The following PLA2G6 variants were observed in gnomAD, a reference collection of about 807,000 sequenced individuals.
PLA2G6 encodes 85/88 kDa calcium-independent phospholipase A2.
A neutral mutation model predicts 83.8 loss-of-function variants in PLA2G6; 62 were observed. The observed-to-expected ratio is 0.74, with a 90% CI of 0.60 to 0.91. The LOEUF (loss-of-function observed/expected upper bound fraction) is 0.91, where lower values mean the gene tolerates loss of function less well. Among genes scored for constraint, PLA2G6 ranks in the 40% least tolerant of loss-of-function variants. The probability of loss-of-function intolerance (pLI) is 0.00; values close to 1 mark genes in which losing one functional copy is unlikely to be tolerated. For missense variants in PLA2G6, 944 were observed against 1,102.0 expected (o/e 0.86, Z 2.03); for synonymous variants, 417 against 449.8 (o/e 0.93, Z 0.92).
intron 2 of PLA2G6, among the ~76,000 whole-genome samples, chr22:38,161,355 C>G (rs1046591573): frequency 6.6e-6 from 1 of 152,134 alleles, no homozygotes; most frequent in South Asian, 2.1e-4. Flanking sequence ...ATGGCAGAGA[C>G]AGATCATCTC....
intron 5 of PLA2G6, chr22:38,139,420 T>C (rs1165089469): frequency 7.4e-6 from 1 of 135,770 alleles, no homozygotes; most frequent in Non-Finnish European, 1.5e-5. Flanking sequence ...TTTATTTTTA[T>C]TTATTTATTT....
intron 3 of PLA2G6, chr22:38,143,654 C>T: frequency 2.6e-6 from 1 of 386,906 alleles, no homozygotes; most frequent in Non-Finnish European, 5.0e-6. Context: ...AGCTGCTGTG[C>T]CTGCCCCAGG....
At chr22:38,145,277 C>A in intron 3 of PLA2G6, 161 bp downstream of exon 3, 1 of 703,842 alleles carries the variant, frequency 1.4e-6, no homozygotes, top group East Asian at 2.7e-5. Flanking sequence ...GATCCTCCCT[C>A]CTCAGCCTCC....
Position 38,132,877 on chromosome 22 carries a change from T to C in PLA2G6, c.1031A>G (p.Asp344Gly). The C allele has an allele frequency of 6.4e-7, 1 of 1,553,712 alleles. No individual in the cohort carries two copies. The highest frequency in any genetic ancestry group is 1.2e-5 in the South Asian group (1 of 84,310). ...IVLLTHGANADARGEHGNTPL... is the reference protein window; with the variant it reads ...IVLLTHGANAGARGEHGNTPL... ...GGTGTTGCCGTGCTCTCCGCGGGCA[T>C]CCGCGTTGGCCCCGTGGGTCAGCAG... Residue 344 changes from aspartate (D) to glycine (G), a missense_variant, in exon 7 of 17, where the codon GAT becomes GGT. Physicochemically the swap from Asp to Gly is moderately conservative, Grantham distance 94 (BLOSUM62 -1). Coordinates refer to ENST00000332509, the MANE Select transcript of PLA2G6 (RefSeq NM_003560.4). This position sits in a 1 kb window ranked among gnomAD's most constrained non-coding sequence, Gnocchi z 5.0.
rs80003006 is a variant in PLA2G6 at position 38,125,466 on chromosome 22, C to T, written c.1427+905G>A. Reference sequence around the variant, plus strand: ...AAGTGAGAGGACCCACAGAGCTGCACGATCACTGCCTGGCCCTGGGAGTGG... The same window carrying T: ...AAGTGAGAGGACCCACAGAGCTGCATGATCACTGCCTGGCCCTGGGAGTGG... On this transcript the variant is annotated intron_variant, in intron 10 of 16. Coordinates refer to ENST00000332509, the MANE Select transcript of PLA2G6 (RefSeq NM_003560.4). Among the ~76,000 whole-genome samples the T allele has an allele frequency of 5.2e-3, 797 of 152,262 alleles. 6 individuals carry two copies. The highest frequency in any genetic ancestry group is 0.018 in the African/African-American group (758 of 41,536).
At position 38,132,999 on chromosome 22, in the gene PLA2G6, C is replaced by T. The variant is rs1396686538; in HGVS notation, c.909G>A (p.Leu303=). ...WAKNAEMARM[L]LKRGCNVNST... is the part of the protein sequence containing the mutation. ...TGTTCACGTTGCAGCCCCGTTTCAG[C>T]AGCATGCGGGCCATCTGCGGGAGAC... The change falls in exon 7 of 17, where the codon CTG becomes CTA. Residue 303 remains leucine (L), a synonymous_variant. Transcript: ENST00000332509. This position sits in a 1 kb window ranked among gnomAD's most constrained non-coding sequence, Gnocchi z 5.0. 9 of 1,565,470 alleles carry T rather than the reference C, an allele frequency of 5.7e-6. No homozygotes were observed. The highest frequency in any genetic ancestry group is 1.7e-4 in the Middle Eastern group (1 of 5,976).
intron 2 of PLA2G6, among the ~76,000 whole-genome samples, chr22:38,162,406 G>A (rs1569293806): frequency 6.6e-6 from 1 of 151,986 alleles, no homozygotes. Context: ...TCCATGCTGG[G>A]TACAAAGCAA....
intron 2 of PLA2G6, among the ~76,000 whole-genome samples, chr22:38,152,220 CT>C (rs1416277708): frequency 1.3e-5 from 2 of 151,362 alleles, no homozygotes; most frequent in Non-Finnish European, 2.9e-5. Context: ...GAGCCTGGCA[CT>C]TTTTTTTTCT....
At chr22:38,114,436 C>T (rs542786927) in intron 14 of PLA2G6, among the ~76,000 whole-genome samples, 22 of 152,180 alleles carry the variant, frequency 1.4e-4, no homozygotes, top group African/African-American at 5.1e-4. Flanking sequence ...CCACTTGCCT[C>T]GGCCTCCCAA....
intron 2 of PLA2G6, chr22:38,148,805 C>G (rs1314577979): frequency 1.9e-5 from 7 of 374,856 alleles, no homozygotes; most frequent in South Asian, 1.3e-4. Context: ...ATGGGAGAAG[C>G]AAAAATAAAT....
At chr22:38,172,023 C>G (rs965575736) in intron 1 of PLA2G6, among the ~76,000 whole-genome samples, 10 of 151,952 alleles carry the variant, frequency 6.6e-5, no homozygotes, top group Admixed American at 2.0e-4. Context: ...CTGGGCTCTC[C>G]CTCACTTTAA....
In PLA2G6 at chr22:38,116,210, C is replaced by A. The variant is rs1436010432; in HGVS notation, c.1744G>T (p.Val582Leu). Residue 582 changes from valine (V) to leucine (L), a missense_variant and splice_region_variant, in exon 13 of 17, where the codon GTG (valine) becomes TTG (leucine). Coordinates refer to ENST00000332509, the MANE Select transcript of PLA2G6 (RefSeq NM_003560.4). Reference sequence around the variant, plus strand: ...TCAGACAGTGTCCCTGTCAGCATCACCCTGGAGAGAAATGAGGCAGGAGGA... The same window carrying A: ...TCAGACAGTGTCCCTGTCAGCATCAACCTGGAGAGAAATGAGGCAGGAGGA... The part of the protein sequence containing the change: ...TKMTDVRKPK[V>L]MLTGTLSDRQ... 4 of 1,613,934 alleles carry A rather than the reference C, an allele frequency of 2.5e-6. No individual in the cohort carries two copies. The highest frequency in any genetic ancestry group is 1.7e-5 in the Admixed American group (1 of 60,004).
At chr22:38,173,719 C>G (rs2090523929) in intron 1 of PLA2G6, among the ~76,000 whole-genome samples, 1 of 152,110 alleles carries the variant, frequency 6.6e-6, no homozygotes, top group South Asian at 2.1e-4. Flanking sequence ...GATCAAGAAA[C>G]TGAGGCCCAG....
At chr22:38,179,727 C>T (rs544544639) in intron 1 of PLA2G6, among the ~76,000 whole-genome samples, 3 of 152,078 alleles carry the variant, frequency 2.0e-5, no homozygotes, top group Non-Finnish European at 2.9e-5. Context: ...GAGCCGAGAT[C>T]GTGCCATTGC....
At chr22:38,139,451 T>TTTATTTATTTATTTA (rs1569270652) in intron 5 of PLA2G6, 8 of 79,098 alleles carry the variant, frequency 1.0e-4, no homozygotes, top group South Asian at 4.8e-4. Flanking sequence ...TTATTTATTT[T>TTTATTTATTTATTTA]TTGAGACAGT....
chr22:38,118,892 T>A (rs1157336050), intron 12 of PLA2G6, among the ~76,000 whole-genome samples: 1 of 152,052 alleles, frequency 6.6e-6, no homozygotes, highest in East Asian at 1.9e-4. Context: ...TAGCTGGGAC[T>A]ACAGCCATAG....
intron 3 of PLA2G6, chr22:38,143,529 A>G (rs555750617): frequency 1.6e-6 from 1 of 609,118 alleles, no homozygotes; most frequent in South Asian, 1.8e-5. Context: ...CCAGGGCCAC[A>G]CCAGCAGGAA....
At position 38,120,883 on chromosome 22, in the gene PLA2G6, T is replaced by A; in HGVS notation, c.1618A>T (p.Met540Leu). 6.2e-7 allele frequency: 1 copy of A among 1,613,692 alleles called. No individual in the cohort carries two copies. The highest frequency in any genetic ancestry group is 2.2e-5 in the East Asian group (1 of 44,864). ...ACCTCATCCTTCATGCGAAAGTACA[T>A]GCCGCGCATGTAGGCCATGGACTTA... ...HSKSMAYMRG[M>L]YFRMKDEVFR... The change falls in exon 12 of 17, where the codon ATG (methionine) becomes TTG (leucine). Residue 540 changes from methionine (M) to leucine (L), a missense_variant. Transcript: ENST00000332509.
chr22:38,124,417 A>C (rs2087711486), intron 10 of PLA2G6, among the ~76,000 whole-genome samples: 2 of 151,982 alleles, frequency 1.3e-5, no homozygotes. Context: ...CATGCTCTCC[A>C]GCGCGCCCTG....
Sources: allele counts gnomAD v4.1 joint callset (sites outside exome capture counted in the v4.1 genomes callset), GRCh38; gene constraint gnomAD v4.1.1; non-coding constraint Gnocchi (gnomAD v3.1); transcripts MANE v1.5; gene names NCBI Gene and HGNC (gene_info 2026-07-23, HGNC 2026-07-21).